Variants in CCR9 observed in about 807,000 individuals in gnomAD.
The protein encoded by CCR9 is C-C chemokine receptor type 9.
A neutral mutation model predicts 8.7 loss-of-function variants in CCR9; 4 were observed. The observed-to-expected ratio is 0.46, with a 90% confidence interval of 0.23 to 1.06. CCR9 has a LOEUF of 1.06. Ranked by LOEUF, CCR9 falls within the 50% of genes least tolerant of loss-of-function variation. The pLI, the probability that CCR9 is intolerant of heterozygous loss-of-function variation, is 0.21. For synonymous variants in CCR9, 159 were observed against 168.8 expected, an observed-to-expected ratio of 0.94 and a Z score of 0.45; for missense variants, 394 against 453.6, an observed-to-expected ratio of 0.87 and a Z score of 1.19.
intron 2 of CCR9, among the ~76,000 whole-genome samples, chr3:45,898,572 A>G (rs1392683194): frequency 1.3e-5 from 2 of 152,212 alleles, no homozygotes; most frequent in Non-Finnish European, 2.9e-5. Context: ...TCTTTGCAAT[A>G]GGATTTTCTC....
At chr3:45,896,019 T>G (rs1575300465) in intron 2 of CCR9, among the ~76,000 whole-genome samples, 2 of 152,232 alleles carry the variant, frequency 1.3e-5, no homozygotes, top group East Asian at 1.9e-4. Context: ...AACTAAATTA[T>G]TTATGATATG....
chr3:45,902,014 A>T lies in CCR9; in HGVS notation c.*116A>T. On this transcript the variant is annotated 3_prime_UTR_variant, in exon 3 of 3. Coordinates refer to ENST00000357632, the MANE Select transcript of CCR9 (RefSeq NM_031200.3). ...GAAAAGAAAACTCAGAAAGGGATGA[A>T]TCTGAACTATATGATTACTTGTAGT... is the stretch of plus-strand genomic sequence containing the variant. 1.2e-6 allele frequency: 1 copy of T among 857,718 alleles called. No homozygotes were observed. The highest frequency in any genetic ancestry group is 2.9e-5 in the Admixed American group (1 of 34,300). The allele number at this position is 857,718 out of a possible 1,614,324, so 53.1% of individuals were successfully genotyped here.
At position 45,901,658 on chromosome 3, in the gene CCR9, C is replaced by T. The variant is rs199948255; in HGVS notation, c.870C>T (p.Ala290=). 336 of 1,613,882 alleles carry T rather than the reference C, an allele frequency of 2.1e-4. No homozygotes were observed. Among genetic ancestry groups the T allele is most frequent in the Non-Finnish European group, 2.7e-4 (322 of 1,179,840 alleles). The change falls in exon 3 of 3, where the codon GCC becomes GCT. Residue 290 remains alanine, a synonymous_variant. Coordinates refer to ENST00000357632, the MANE Select transcript of CCR9 (RefSeq NM_031200.3). This position sits in a 1 kb window ranked among gnomAD's most constrained non-coding sequence, Gnocchi z 4.3. ...DAYAMFISNC[A]VSTNIDICFQ... ...ATGCCATGTTCATCTCCAACTGTGC[C>T]GTTTCCACCAACATTGACATCTGCT...
At position 45,901,444 on chromosome 3, in the gene CCR9, T is replaced by A. The variant is rs1702554420; in HGVS notation, c.656T>A (p.Val219Asp). 1.9e-6 allele frequency: 3 copies of A among 1,614,140 alleles called. No individual in the cohort carries two copies. The highest frequency in any genetic ancestry group is 2.5e-6 in the Non-Finnish European group (3 of 1,180,006). Reference sequence around the variant, plus strand: ...AAGTCAGCTGTCTTGACCCTGAAGGTCATTCTGGGGTTCTTCCTTCCCTTC... The same window carrying A: ...AAGTCAGCTGTCTTGACCCTGAAGGACATTCTGGGGTTCTTCCTTCCCTTC... ...KLKSAVLTLK[V>D]ILGFFLPFVV... Residue 219 changes from valine to aspartate, a missense_variant, in exon 3 of 3, where the codon GTC (valine) becomes GAC (aspartate). Val to Asp is a radical substitution (Grantham distance 152). Transcript: ENST00000357632. The surrounding 1 kb of genome is among the most constrained non-coding windows in gnomAD (Gnocchi z 4.3).
At chr3:45,895,446 C>T (rs1355295847) in intron 2 of CCR9, among the ~76,000 whole-genome samples, 3 of 152,236 alleles carry the variant, frequency 2.0e-5, no homozygotes, top group South Asian at 2.1e-4. Flanking sequence ...CGTGGTAGCT[C>T]ACGCCTGTAA....
rs1327823293 is a variant in CCR9 at position 45,900,235 on chromosome 3, G to T, written c.22-575G>T. Among the ~76,000 whole-genome samples the T allele has an allele frequency of 6.6e-6, 1 of 152,132 alleles. No homozygotes were observed. The highest frequency in any genetic ancestry group is 6.5e-5 in the Admixed American group (1 of 15,274). ...AGAGCAGGTCATGGTGCTTGTGTGT[G>T]TATGTAGGGTTGAGAGTGTCTGTGT... On this transcript the variant is annotated intron_variant, in intron 2 of 2. Coordinates refer to ENST00000357632, the MANE Select transcript of CCR9 (RefSeq NM_031200.3). This position sits in a 1 kb window ranked among gnomAD's most constrained non-coding sequence, Gnocchi z 4.7.
Position 45,902,008 on chromosome 3 carries a change from G to A in CCR9, c.*110G>A, listed in dbSNP as rs1702576498. On this transcript the variant is annotated 3_prime_UTR_variant, in exon 3 of 3. Coordinates refer to ENST00000357632, the MANE Select transcript of CCR9 (RefSeq NM_031200.3). ...GAAAGAGAAAAGAAAACTCAGAAAG[G>A]GATGAATCTGAACTATATGATTACT... 1 of 911,176 alleles carries A rather than the reference G, an allele frequency of 1.1e-6. No individual in the cohort carries two copies. Among genetic ancestry groups the A allele is most frequent in the African/African-American group, 1.7e-5 (1 of 59,784 alleles). The allele number at this position is 911,176 out of a possible 1,614,324, so 56.4% of individuals were successfully genotyped here. A position where few individuals can be genotyped will look rare whatever the true frequency, so the allele number is the denominator to read the frequency against.
Position 45,903,133 on chromosome 3 carries a change from CA to C in CCR9, c.*1237del, listed in dbSNP as rs1702609848. ...ACTTGTCACTTTCTTTACCCTGTCTCAATATTTTAAGTGTGTGCAATTAAAG... is the reference window on the plus strand; with the variant it reads ...ACTTGTCACTTTCTTTACCCTGTCTCATATTTTAAGTGTGTGCAATTAAAG... On this transcript the variant is annotated 3_prime_UTR_variant, in exon 3 of 3. Coordinates refer to ENST00000357632, the MANE Select transcript of CCR9 (RefSeq NM_031200.3). The C allele has an allele frequency of 1.2e-5, 2 of 167,010 alleles. No individual in the cohort carries two copies. The highest frequency in any genetic ancestry group is 4.1e-4 in the South Asian group (2 of 4,820). The allele number at this position is 167,010 out of a possible 1,614,324, so 10.3% of individuals were successfully genotyped here.
intron 2 of CCR9, among the ~76,000 whole-genome samples, chr3:45,895,977 T>A (rs546173248): frequency 6.6e-5 from 10 of 152,334 alleles, no homozygotes; most frequent in Admixed American, 2.0e-4. Flanking sequence ...GTTTCCATGA[T>A]CTATGGAGAG....
Position 45,893,760 on chromosome 3 carries a change from C to G in CCR9, c.-28-1146C>G, listed in dbSNP as rs148822398. On this transcript the variant is annotated intron_variant, in intron 1 of 2. Transcript: ENST00000357632. ...TAAAGCTGTAATAAACACTCACATA[C>G]TAGTCTTTATGGGGACATATACTTA... Among the ~76,000 whole-genome samples the G allele has an allele frequency of 1.0e-3, 158 of 152,338 alleles. No individual in the cohort carries two copies. The Middle Eastern group carries it at 0.014, about 13-fold the overall frequency.
chr3:45,900,785 A>G lies in CCR9; in HGVS notation c.22-25A>G. ...ACCTTCAAAATATTTTCCTTGACCT[A>G]ATGCCATCTTGTGTCCCCTTGCAGA... On this transcript the variant is annotated intron_variant, in intron 2 of 2. Transcript: ENST00000357632. This position sits in a 1 kb window ranked among gnomAD's most constrained non-coding sequence, Gnocchi z 4.7. 1 of 1,590,306 alleles carries G rather than the reference A, an allele frequency of 6.3e-7. No homozygotes were observed. The highest frequency in any genetic ancestry group is 2.2e-5 in the East Asian group (1 of 44,612).
chr3:45,900,861 A>G lies in CCR9; in HGVS notation c.73A>G (p.Met25Val). 6.2e-7 allele frequency: 1 copy of G among 1,614,106 alleles called. No homozygotes were observed. Among genetic ancestry groups the G allele is most frequent in the Non-Finnish European group, 8.5e-7 (1 of 1,179,974 alleles). Residue 25 changes from methionine to valine, a missense_variant, in exon 3 of 3, where the codon ATG becomes GTG. Coordinates refer to ENST00000357632, the MANE Select transcript of CCR9 (RefSeq NM_031200.3). The surrounding 1 kb of genome is among the most constrained non-coding windows in gnomAD (Gnocchi z 4.7). ...CTATGGCTCTGAATCCACATCTTCC[A>G]TGGAAGACTACGTTAACTTCAACTT... is the stretch of plus-strand genomic sequence containing the variant. ...DDYGSESTSS[M>V]EDYVNFNFTD...
At chr3:45,898,645 T>G (rs1702446308) in intron 2 of CCR9, among the ~76,000 whole-genome samples, 1 of 152,238 alleles carries the variant, frequency 6.6e-6, no homozygotes, top group African/African-American at 2.4e-5. Context: ...GTCATCCAAG[T>G]TACCTTGGGT....
intron 1 of CCR9, among the ~76,000 whole-genome samples, chr3:45,887,478 G>A (rs1358951129): frequency 2.6e-5 from 4 of 152,152 alleles, no homozygotes; most frequent in Admixed American, 2.0e-4. Flanking sequence ...AGTGGATGCT[G>A]GTTTGCCTTT....
Position 45,901,270 on chromosome 3 carries a change from G to T in CCR9, c.482G>T (p.Arg161Met), listed in dbSNP as rs765431789. The T allele has an allele frequency of 6.2e-7, 1 of 1,614,202 alleles. No homozygotes were observed. Among genetic ancestry groups the T allele is most frequent in the Non-Finnish European group, 8.5e-7 (1 of 1,180,030 alleles). ...AGAGCACATACTTGGAGGGAGAAAAGGCTTTTGTACAGCAAAATGGTTTGC... is the reference window on the plus strand; with the variant it reads ...AGAGCACATACTTGGAGGGAGAAAATGCTTTTGTACAGCAAAATGGTTTGC... ...AMRAHTWREKRLLYSKMVCFT... is the reference protein window; with the variant it reads ...AMRAHTWREKMLLYSKMVCFT... The change falls in exon 3 of 3, where the codon AGG becomes ATG. Residue 161 changes from arginine (R) to methionine (M), a missense_variant. Transcript: ENST00000357632. The surrounding 1 kb of genome is among the most constrained non-coding windows in gnomAD (Gnocchi z 4.3).
At chr3:45,892,180 C>CATACAT (rs1294848358) in intron 1 of CCR9, among the ~76,000 whole-genome samples, 1 of 152,136 alleles carries the variant, frequency 6.6e-6, no homozygotes, top group East Asian at 1.9e-4. Flanking sequence ...GTGAAACACA[C>CATACAT]ATACATATAC....
chr3:45,898,859 T>C (rs763995246), intron 2 of CCR9, among the ~76,000 whole-genome samples: 1 of 152,222 alleles, frequency 6.6e-6, no homozygotes, highest in Non-Finnish European at 1.5e-5. Context: ...ACTGTGCTAA[T>C]GTGCAATTAA....
At position 45,902,039 on chromosome 3, in the gene CCR9, T is replaced by A; in HGVS notation, c.*141T>A. 1.3e-6 allele frequency: 1 copy of A among 755,706 alleles called. No individual in the cohort carries two copies. The highest frequency in any genetic ancestry group is 2.1e-6 in the Non-Finnish European group (1 of 477,762). The allele number at this position is 755,706 out of a possible 1,614,324, so 46.8% of individuals were successfully genotyped here. On this transcript the variant is annotated 3_prime_UTR_variant, in exon 3 of 3. Transcript: ENST00000357632. ...ATCTGAACTATATGATTACTTGTAG[T>A]CAGAATTTGCCAAAGCAAATATTTC... is the stretch of plus-strand genomic sequence containing the variant.
At chr3:45,890,735 T>A (rs1575294616) in intron 1 of CCR9, among the ~76,000 whole-genome samples, 1 of 152,250 alleles carries the variant, frequency 6.6e-6, no homozygotes, top group Non-Finnish European at 1.5e-5. Flanking sequence ...AGAAAATGCA[T>A]CTTTCATTCA....
Sources: gnomAD v4.1 joint callset for allele counts (sites outside exome capture counted in the v4.1 genomes callset) on GRCh38, gnomAD v4.1.1 for gene constraint, Gnocchi (gnomAD v3.1) non-coding constraint, MANE v1.5 for transcripts, NCBI Gene and HGNC (gene_info 2026-07-23, HGNC 2026-07-21) for gene names.